MYO18B: variants seen among roughly 807,000 people sequenced by gnomAD.
MYO18B encodes the protein unconventional myosin-XVIIIb.
MYO18B carries 204 observed loss-of-function variants against 273.0 expected under a neutral mutation model. The ratio of observed to expected loss-of-function variants is 0.75; its 90% CI spans 0.67 to 0.84. MYO18B has a LOEUF of 0.84. Ranked by LOEUF, MYO18B falls within the 40% of genes least tolerant of loss-of-function variation. The pLI, the probability that MYO18B is intolerant of heterozygous loss-of-function variation, is 0.00. For missense variants in MYO18B, 3,212 were observed against 3,287.6 expected (o/e 0.98, Z 0.56); for synonymous variants, 1,330 against 1,305.7 (o/e 1.02, Z -0.40).
rs1050430818 is a variant in MYO18B, at chr22:26,030,091, C to A, written c.*13-352C>A. On this transcript the variant is annotated intron_variant, in intron 43 of 43. Coordinates refer to ENST00000335473, the MANE Select transcript of MYO18B (RefSeq NM_032608.7). ...TATCAAAATGTACCCATCTTCCTGG[C>A]CAGGCACAGTGGCTCATGCCCATAA... 1.1e-4 allele frequency among the ~76,000 whole-genome samples: 17 copies of A among 152,308 alleles called. No individual in the cohort carries two copies. In the South Asian group the frequency reaches 3.1e-3, roughly 28 times the overall value.
the MYO18B span, among the ~76,000 whole-genome samples, chr22:26,040,942 T>C: frequency 5.3e-5 from 8 of 152,204 alleles, no homozygotes; most frequent in Admixed American, 1.3e-4. Context: ...CATCTCACTT[T>C]GCCCAGGACT....
In MYO18B at chr22:25,921,340, CCTT is replaced by C; in HGVS notation, c.5451_5453del (p.Leu1818del). On this transcript the variant is annotated inframe_deletion, in exon 34 of 44. Coordinates refer to ENST00000335473, the MANE Select transcript of MYO18B (RefSeq NM_032608.7). ...ATGCACTGTTGTCAGACGTGCAGCT[CCTT>C]CTGGGCACCATGGAGGATGGCAAGA... The C allele has an allele frequency of 1.3e-6, 2 of 1,586,506 alleles. No individual in the cohort carries two copies. Among genetic ancestry groups the C allele is most frequent in the African/African-American group, 1.3e-5 (1 of 74,498 alleles).
chr22:25,929,689 TC>T (rs917776779), intron 34 of MYO18B, among the ~76,000 whole-genome samples: 1 of 152,152 alleles, frequency 6.6e-6, no homozygotes, highest in Non-Finnish European at 1.5e-5. Flanking sequence ...TGTATTCACC[TC>T]TTCCTTCTGA....
chr22:26,008,373 A>G (rs1309730299), intron 42 of MYO18B, among the ~76,000 whole-genome samples: 2 of 152,056 alleles, frequency 1.3e-5, no homozygotes, highest in African/African-American at 4.8e-5. Context: ...AGAGAACAGG[A>G]CTCCTATTTA....
chr22:25,874,667 C>G (rs2091143298), intron 23 of MYO18B, among the ~76,000 whole-genome samples: 1 of 152,204 alleles, frequency 6.6e-6, no homozygotes. Context: ...TGACTTCAAC[C>G]TGTCTTGTTT....
chr22:25,834,256 C>T (rs767524448), intron 16 of MYO18B, among the ~76,000 whole-genome samples: 4 of 151,854 alleles, frequency 2.6e-5, no homozygotes, highest in South Asian at 4.2e-4. Context: ...AAGCGATTCT[C>T]GTGCCTCAGC....
chr22:25,819,095 T>C (rs997908533), intron 12 of MYO18B, among the ~76,000 whole-genome samples: 4 of 152,072 alleles, frequency 2.6e-5, no homozygotes, highest in Non-Finnish European at 4.4e-5. Flanking sequence ...CAAGCAAAGA[T>C]AGAAGAATCC....
At chr22:25,771,488 C>T (rs2086718909) in intron 6 of MYO18B, among the ~76,000 whole-genome samples, 1 of 152,142 alleles carries the variant, frequency 6.6e-6, no homozygotes, top group South Asian at 2.1e-4. Flanking sequence ...TTGTTGTGCA[C>T]CATAAATCCT....
rs761011057 is a variant in MYO18B at position 25,895,113 on chromosome 22, T to C, written c.4544-43T>C. On this transcript the variant is annotated intron_variant, in intron 27 of 43. Coordinates refer to ENST00000335473, the MANE Select transcript of MYO18B (RefSeq NM_032608.7). ...AGCCACTCACACTCTTGCCTTACAC[T>C]CATTTGGCCTCTTATCCTGGTCTCC... 30 of 1,595,532 alleles carry C rather than the reference T, an allele frequency of 1.9e-5. 1 individual carries two copies. The East Asian group carries it at 3.2e-4, about 17-fold the overall frequency.
Position 25,885,331 on chromosome 22 carries a change from A to G in MYO18B, c.4315-5425A>G, listed in dbSNP as rs149917153. Among the ~76,000 whole-genome samples the G allele has an allele frequency of 3.2e-3, 483 of 152,312 alleles. 3 individuals are homozygous for G. The highest frequency in any genetic ancestry group is 0.011 in the African/African-American group (464 of 41,558). On this transcript the variant is annotated intron_variant, in intron 25 of 43. Transcript: ENST00000335473. ...AATGGCAGAACTGTGATTTGAACCC[A>G]GGGCTGGTCAACTCCAAACAGACTG...
chr22:25,924,906 G>A (rs1482571352), intron 34 of MYO18B, among the ~76,000 whole-genome samples: 1 of 152,202 alleles, frequency 6.6e-6, no homozygotes, highest in Admixed American at 6.5e-5. Flanking sequence ...ATGTGCAGAT[G>A]AGGTTTGGTT....
At position 26,027,278 on chromosome 22, in the gene MYO18B, G is replaced by A. The variant is rs764270244; in HGVS notation, c.7304G>A (p.Arg2435His). 6 of 1,613,896 alleles carry A rather than the reference G, an allele frequency of 3.7e-6. No homozygotes were observed. Among genetic ancestry groups the A allele is most frequent in the Middle Eastern group, 1.6e-4 (1 of 6,084 alleles). Residue 2435 changes from arginine to histidine, a missense_variant, in exon 43 of 44, where the codon CGC becomes CAC. Physicochemically the swap from Arg to His is conservative, Grantham distance 29 (BLOSUM62 0). Transcript: ENST00000335473. This position sits in a 1 kb window ranked among gnomAD's most constrained non-coding sequence, Gnocchi z 4.1. ...SWKLPSLDYERKTKVDFDDFL... is the reference protein window; with the variant it reads ...SWKLPSLDYEHKTKVDFDDFL... ...AAACTCCCAAGCCTCGACTACGAACGCAAGACCAAAGTGGACTTCGATGAC... is the reference window on the plus strand; with the variant it reads ...AAACTCCCAAGCCTCGACTACGAACACAAGACCAAAGTGGACTTCGATGAC...
chr22:25,919,070 C>T (rs1362927795), intron 33 of MYO18B, among the ~76,000 whole-genome samples: 1 of 152,152 alleles, frequency 6.6e-6, no homozygotes, highest in African/African-American at 2.4e-5. Flanking sequence ...TTTATACCCT[C>T]ATGGCAACCA....
chr22:25,810,537 G>A (rs1459916388), intron 12 of MYO18B, among the ~76,000 whole-genome samples: 2 of 149,102 alleles, frequency 1.3e-5, no homozygotes, highest in Non-Finnish European at 3.0e-5. Flanking sequence ...AGTTTCAAGC[G>A]ATTCTCCTAC....
chr22:25,921,855 T>TGTGTGTGTGC (rs1491121593), intron 34 of MYO18B, among the ~76,000 whole-genome samples: 1 of 142,904 alleles, frequency 7.0e-6, no homozygotes, highest in African/African-American at 2.6e-5. Context: ...TGTGTGTGTG[T>TGTGTGTGTGC]GGTGACTGCC....
intron 25 of MYO18B, among the ~76,000 whole-genome samples, chr22:25,884,500 G>A (rs1158200045): frequency 1.3e-5 from 2 of 152,192 alleles, no homozygotes; most frequent in Admixed American, 6.5e-5. Context: ...ATCTCCTGGT[G>A]GACAGTGGAA....
At chr22:25,865,166 G>A (rs139498966) in intron 21 of MYO18B, among the ~76,000 whole-genome samples, 1 of 152,354 alleles carries the variant, frequency 6.6e-6, no homozygotes, top group South Asian at 2.1e-4. Context: ...CTGAATTGCT[G>A]TATGGTCCAG....
intron 37 of MYO18B, among the ~76,000 whole-genome samples, chr22:25,951,408 TGCA>T (rs2092791433): frequency 6.6e-6 from 1 of 152,190 alleles, no homozygotes; most frequent in East Asian, 1.9e-4. Flanking sequence ...GACAGACACA[TGCA>T]CACACACTCA....
At chr22:25,874,029 A>G (rs1046035840) in intron 22 of MYO18B, among the ~76,000 whole-genome samples, 16 of 152,174 alleles carry the variant, frequency 1.1e-4, no homozygotes, top group African/African-American at 3.4e-4. Context: ...TGCATTTCCA[A>G]CAAGCACCCA....
Sources: gnomAD v4.1 joint callset for allele counts (sites outside exome capture counted in the v4.1 genomes callset) on GRCh38, gnomAD v4.1.1 for gene constraint, Gnocchi (gnomAD v3.1) non-coding constraint, MANE v1.5 for transcripts, NCBI Gene and HGNC (gene_info 2026-07-23, HGNC 2026-07-21) for gene names.